Variants in CDC14B observed in about 807,000 individuals in gnomAD.
The protein encoded by CDC14B is dual specificity protein phosphatase CDC14B.
Under a neutral mutation model 64.2 loss-of-function variants are expected in CDC14B, and 22 were observed. That is an observed-to-expected ratio of 0.34 (90% CI 0.24 to 0.49). The LOEUF (loss-of-function observed/expected upper bound fraction) is 0.49, where lower values mean the gene tolerates loss of function less well. CDC14B is among the 20% of genes least tolerant of loss of function. The probability of loss-of-function intolerance (pLI) is 0.99; values close to 1 mark genes in which losing one functional copy is unlikely to be tolerated. For synonymous variants in CDC14B, 191 were observed against 215.8 expected (o/e 0.89, Z 1.01); for missense variants, 498 against 629.9 (o/e 0.79, Z 2.24).
At chr9:96,548,943 G>T (rs1216632229) in intron 5 of CDC14B, among the ~76,000 whole-genome samples, 1 of 152,160 alleles carries the variant, frequency 6.6e-6, no homozygotes, top group Non-Finnish European at 1.5e-5. Context: ...GCAATACTTT[G>T]TTGGTCATAT....
chr9:96,619,642 G>A lies in CDC14B; in HGVS notation c.-264C>T, dbSNP rs1341456027. 1 of 147,326 alleles carries A rather than the reference G, an allele frequency of 6.8e-6. No individual in the cohort carries two copies. Among genetic ancestry groups the A allele is most frequent in the African/African-American group, 2.4e-5 (1 of 40,946 alleles). 9.1% of individuals were successfully genotyped at this position (147,326 alleles called of 1,614,324 possible). A position where few individuals can be genotyped will look rare whatever the true frequency, so the allele number is the denominator to read the frequency against. On this transcript the variant is annotated 5_prime_UTR_variant, in exon 1 of 14. Coordinates refer to ENST00000375241, the MANE Select transcript of CDC14B (RefSeq NM_033331.4). ...CCCTCGCTACAGCGCCTCCTGCCGC[G>A]GCCGGCGCCCCCAGCCCGCCCCCAG...
At position 96,515,814 on chromosome 9, in the gene CDC14B, A is replaced by G; in HGVS notation, c.1344-6025T>C. 6.4e-7 allele frequency: 1 copy of G among 1,559,264 alleles called. No homozygotes were observed. The highest frequency in any genetic ancestry group is 8.7e-7 in the Non-Finnish European group (1 of 1,153,244). On this transcript the variant is annotated intron_variant, in intron 12 of 13. Transcript: ENST00000375241. This position sits in a 1 kb window ranked among gnomAD's most constrained non-coding sequence, Gnocchi z 4.3. ...ACATCTGGAAAGGGGTGAAGGGGAAAGAACAGATGTTCAAATTGGGAAGCC... is the reference window on the plus strand; with the variant it reads ...ACATCTGGAAAGGGGTGAAGGGGAAGGAACAGATGTTCAAATTGGGAAGCC...
Position 96,539,063 on chromosome 9 carries a change from T to A in CDC14B, c.627+15A>T. 1 of 1,569,322 alleles carries A rather than the reference T, an allele frequency of 6.4e-7. No homozygotes were observed. Among genetic ancestry groups the A allele is most frequent in the Non-Finnish European group, 8.8e-7 (1 of 1,139,988 alleles). On this transcript the variant is annotated intron_variant, in intron 7 of 13. Transcript: ENST00000375241. ...GGGGGAGGAAGAGTTGAAAACATGA[T>A]CCTTGAAGACTTACTTCATAGTGTT...
chr9:96,616,569 CA>C (rs1292893292), intron 1 of CDC14B, among the ~76,000 whole-genome samples: 1 of 151,744 alleles, frequency 6.6e-6, no homozygotes, highest in Non-Finnish European at 1.5e-5. Context: ...ACTAAAAATA[CA>C]AAAATTAGCC....
At chr9:96,584,829 T>A (rs1402202892) in intron 1 of CDC14B, among the ~76,000 whole-genome samples, 1 of 152,102 alleles carries the variant, frequency 6.6e-6, no homozygotes, top group Non-Finnish European at 1.5e-5. Context: ...AATTTTTTTG[T>A]CTTTTTAGTA....
Position 96,619,754 on chromosome 9 carries a change from G to T in CDC14B, c.-376C>A, listed in dbSNP as rs1175762827. On this transcript the variant is annotated 5_prime_UTR_variant, in exon 1 of 14. Coordinates refer to ENST00000375241, the MANE Select transcript of CDC14B (RefSeq NM_033331.4). ...CGGGGTAACCGTGCGTGCCCACCGC[G>T]GCCGCGGCCGCTGCTGCGTAGGCGC... 2 of 151,410 alleles carry T rather than the reference G, an allele frequency of 1.3e-5. No homozygotes were observed. The highest frequency in any genetic ancestry group is 4.8e-5 in the African/African-American group (2 of 41,334). The allele number at this position is 151,410 out of a possible 1,614,324, so 9.4% of individuals were successfully genotyped here.
At chr9:96,571,549 A>G (rs117698883) in intron 1 of CDC14B, among the ~76,000 whole-genome samples, 1,961 of 152,306 alleles carry the variant, frequency 0.013, 17 homozygotes, top group Non-Finnish European at 0.019. Context: ...GGGAAAAACT[A>G]GGAGAGACTT....
chr9:96,546,687 TG>T (rs1564302284), intron 5 of CDC14B, among the ~76,000 whole-genome samples: 1 of 151,984 alleles, frequency 6.6e-6, no homozygotes, highest in African/African-American at 2.4e-5. Context: ...TGACCTCAGG[TG>T]ATCCACTTGC....
intron 1 of CDC14B, among the ~76,000 whole-genome samples, chr9:96,592,635 T>A (rs942586974): frequency 6.6e-6 from 1 of 151,956 alleles, no homozygotes; most frequent in Non-Finnish European, 1.5e-5. Flanking sequence ...TTAGTCAGCA[T>A]GGTGGTGGGT....
Position 96,501,655 on chromosome 9 carries a change from T to C in CDC14B, c.*2098A>G, listed in dbSNP as rs7860447. 0.26 allele frequency: 39,011 copies of C among 152,434 alleles called. 6,696 individuals are homozygous for C. The highest frequency in any genetic ancestry group is 0.49 in the African/African-American group (20,396 of 41,416). 9.4% of individuals were successfully genotyped at this position (152,434 alleles called of 1,614,324 possible). Reference sequence around the variant, plus strand: ...GACTAATTTCAGTGAACCAGTTAAATAGAAAGATTTTTAGAAAGAGCCACA... The same window carrying C: ...GACTAATTTCAGTGAACCAGTTAAACAGAAAGATTTTTAGAAAGAGCCACA... On this transcript the variant is annotated 3_prime_UTR_variant, in exon 14 of 14. Transcript: ENST00000375241.
chr9:96,505,011 T>C (rs1833929816), intron 13 of CDC14B, among the ~76,000 whole-genome samples: 1 of 152,094 alleles, frequency 6.6e-6, no homozygotes, highest in African/African-American at 2.4e-5. Context: ...TCATCTCTAC[T>C]AAAAATACAG....
intron 12 of CDC14B, among the ~76,000 whole-genome samples, chr9:96,521,696 T>C (rs1836747260): frequency 6.6e-6 from 1 of 152,148 alleles, no homozygotes; most frequent in Non-Finnish European, 1.5e-5. Context: ...TTCCTTACCA[T>C]ATTACAAGAT....
Position 96,500,735 on chromosome 9 carries a change from A to G in CDC14B, c.*3018T>C, listed in dbSNP as rs1008443167. 1 of 152,362 alleles carries G rather than the reference A, an allele frequency of 6.6e-6. No homozygotes were observed. The highest frequency in any genetic ancestry group is 6.5e-5 in the Admixed American group (1 of 15,280). 9.4% of individuals were successfully genotyped at this position (152,362 alleles called of 1,614,324 possible). On this transcript the variant is annotated 3_prime_UTR_variant, in exon 14 of 14. Transcript: ENST00000375241. ...GATGAGCACTGCTTTCCAAAATGCA[A>G]TAATGATTTTTTTTAATGTAGAAAG...
chr9:96,575,879 TA>T (rs1844771754), intron 1 of CDC14B, among the ~76,000 whole-genome samples: 1 of 151,822 alleles, frequency 6.6e-6, no homozygotes, highest in Non-Finnish European at 1.5e-5. Context: ...ATAAAGACAA[TA>T]AAAACAAAGC....
Position 96,522,530 on chromosome 9 carries a change from G to C in CDC14B, c.1319C>G (p.Ser440Cys). 6.2e-7 allele frequency: 1 copy of C among 1,612,826 alleles called. No individual in the cohort carries two copies. Among genetic ancestry groups the C allele is most frequent in the African/African-American group, 1.3e-5 (1 of 75,002 alleles). ...CGTGAGAGGAATAGCGTTTGTTTTG[G>C]ATTGTCTTCTGCTTTTCAAGGCCCG... Reference protein sequence around the residue: ...RLRALKSRRQSKTNAIPLTVI... With the variant: ...RLRALKSRRQCKTNAIPLTVI... The change falls in exon 12 of 14, where the codon TCC (serine) becomes TGC (cysteine). Residue 440 changes from serine (S) to cysteine (C), a missense_variant. Physicochemically the swap from Ser to Cys is moderately radical, Grantham distance 112. Coordinates refer to ENST00000375241, the MANE Select transcript of CDC14B (RefSeq NM_033331.4).
At chr9:96,555,000 G>A (rs1237822283) in intron 4 of CDC14B, among the ~76,000 whole-genome samples, 2 of 152,126 alleles carry the variant, frequency 1.3e-5, no homozygotes, top group Non-Finnish European at 2.9e-5. Context: ...ATTTTCATGA[G>A]AAGCTATATA....
intron 1 of CDC14B, among the ~76,000 whole-genome samples, chr9:96,594,474 T>C (rs1845951007): frequency 1.3e-5 from 2 of 151,976 alleles, no homozygotes; most frequent in African/African-American, 4.8e-5. Context: ...CTCAGCACTT[T>C]GGGAGGCCAA....
At chr9:96,553,926 G>A (rs1280303208) in intron 4 of CDC14B, among the ~76,000 whole-genome samples, 1 of 152,040 alleles carries the variant, frequency 6.6e-6, no homozygotes, top group African/African-American at 2.4e-5. Context: ...AGGACTTTGG[G>A]AGGCCATCAC....
At chr9:96,539,225 G>C (rs1839709919) in intron 6 of CDC14B, 85 bp from the exon 7 acceptor site, 2 of 944,042 alleles carry the variant, frequency 2.1e-6, no homozygotes, top group African/African-American at 3.3e-5. Flanking sequence ...TAAATATCAG[G>C]GGCCCCCCAA....
Sources: gnomAD v4.1 joint callset for allele counts (sites outside exome capture counted in the v4.1 genomes callset) on GRCh38, gnomAD v4.1.1 for gene constraint, Gnocchi (gnomAD v3.1) non-coding constraint, MANE v1.5 for transcripts, NCBI Gene and HGNC (gene_info 2026-07-23, HGNC 2026-07-21) for gene names.